The following ZNF595 variants were observed in gnomAD, a reference collection of about 807,000 sequenced individuals.
ZNF595 encodes zinc finger protein 595.
A neutral mutation model predicts 19.4 loss-of-function variants in ZNF595; 9 were observed. That is an observed-to-expected ratio of 0.46 (90% CI 0.28 to 0.81). ZNF595 has a LOEUF of 0.81. Among genes scored for constraint, ZNF595 ranks in the 30% least tolerant of loss-of-function variants. ZNF595 has a pLI of 0.11. For synonymous variants in ZNF595, 255 were observed against 255.9 expected, an observed-to-expected ratio of 1.00 and a Z score of 0.03; for missense variants, 729 against 736.0, an observed-to-expected ratio of 0.99 and a Z score of 0.11.
At chr4:80,769 G>A (rs1277515275) in intron 3 of ZNF595, among the ~76,000 whole-genome samples, 1 of 152,166 alleles carries the variant, frequency 6.6e-6, no homozygotes, top group African/African-American at 2.4e-5. Context: ...CTTCTTTTGT[G>A]GTTCTTCAGT....
At chr4:78,000 TTTTGTTTG>T (rs541070508) in intron 3 of ZNF595, among the ~76,000 whole-genome samples, 2 of 151,920 alleles carry the variant, frequency 1.3e-5, no homozygotes, top group African/African-American at 2.4e-5. Flanking sequence ...CTTCAGGGTT[TTTTGTTTG>T]TTTGTTTGTT....
rs1284053362 is a variant in ZNF595, at chr4:68,749, A to G, written c.226+8596A>G. Among the ~76,000 whole-genome samples the G allele has an allele frequency of 3.7e-3, 564 of 152,310 alleles. 1 individual carries two copies. In the Middle Eastern group the frequency reaches 0.048, roughly 13 times the overall value. The stretch of plus-strand genomic sequence containing the variant: ...TCATTGCCTCAACTATTTGTTCTTT[A>G]TTTTACGAACAATCTAATAACATTC... On this transcript the variant is annotated intron_variant, in intron 3 of 3. Transcript: ENST00000610261.
chr4:85,617 T>C (rs1428809495), intron 3 of ZNF595, 114 bp from the exon 4 acceptor site: 1 of 1,257,488 alleles, frequency 8.0e-7, no homozygotes, highest in South Asian at 1.6e-5. Flanking sequence ...GCCTGTGATA[T>C]TTTGTTATGC....
At chr4:81,150 A>G (rs1713891769) in intron 3 of ZNF595, among the ~76,000 whole-genome samples, 1 of 152,196 alleles carries the variant, frequency 6.6e-6, no homozygotes, top group South Asian at 2.1e-4. Context: ...TGTCCCTGCA[A>G]AGGACGTGAA....
At chr4:69,276 G>A (rs141501369) in intron 3 of ZNF595, among the ~76,000 whole-genome samples, 1 of 152,264 alleles carries the variant, frequency 6.6e-6, no homozygotes, top group East Asian at 1.9e-4. Flanking sequence ...GGGATTGTTG[G>A]ATAATATAGT....
chr4:59,756 C>A (rs1461348957), intron 2 of ZNF595, among the ~76,000 whole-genome samples, 200 bp downstream of exon 2: 7 of 151,776 alleles, frequency 4.6e-5, no homozygotes, highest in African/African-American at 1.5e-4. Context: ...TTTTCTTGAG[C>A]TAATTTGTGT....
At chr4:84,488 G>C (rs1459638351) in intron 3 of ZNF595, among the ~76,000 whole-genome samples, 9 of 152,066 alleles carry the variant, frequency 5.9e-5, no homozygotes, top group Non-Finnish European at 7.4e-5. Context: ...TGGTATTCCT[G>C]CTTACAAGCT....
chr4:69,925 G>A (rs113503652), intron 3 of ZNF595, among the ~76,000 whole-genome samples: 5 of 152,252 alleles, frequency 3.3e-5, no homozygotes, highest in African/African-American at 7.2e-5. Context: ...CCCACAGACC[G>A]TGACCCAAAC....
Position 86,948 on chromosome 4 carries a change from T to C in ZNF595, c.1444T>C (p.Cys482Arg), listed in dbSNP as rs1560095890. 1 of 1,613,542 alleles carries C rather than the reference T, an allele frequency of 6.2e-7. No homozygotes were observed. The change falls in exon 4 of 4, where the codon TGT (cysteine) becomes CGT (arginine). Residue 482 changes from cysteine to arginine, a missense_variant. Physicochemically the swap from Cys to Arg is radical, Grantham distance 180 (BLOSUM62 -3). Around this residue, in one of 2 missense-constraint regions of ZNF595, gnomAD observed 729 missense variants for 675.3 expected, o/e 1.08. Coordinates refer to ENST00000610261, the MANE Select transcript of ZNF595 (RefSeq NM_182524.4). Reference protein sequence around the residue: ...KIHTGEKPYKCEECGKAFIWS... With the variant: ...KIHTGEKPYKREECGKAFIWS... Reference sequence around the variant, plus strand: ...TCATACTGGCGAGAAACCCTACAAATGTGAAGAATGTGGCAAAGCTTTCAT... The same window carrying C: ...TCATACTGGCGAGAAACCCTACAAACGTGAAGAATGTGGCAAAGCTTTCAT...
At chr4:77,336 A>T (rs1404040969) in intron 3 of ZNF595, among the ~76,000 whole-genome samples, 1 of 151,878 alleles carries the variant, frequency 6.6e-6, no homozygotes, top group African/African-American at 2.4e-5. Flanking sequence ...AAAAAAAATT[A>T]GTATTTTTTT....
intron 3 of ZNF595, among the ~76,000 whole-genome samples, chr4:69,918 A>G (rs529426217): frequency 1 from 152,188 of 152,234 alleles, 76,071 homozygotes; most frequent in Middle Eastern, 1. Flanking sequence ...GGGTCTGCCC[A>G]CAGACCGTGA....
intron 3 of ZNF595, among the ~76,000 whole-genome samples, chr4:76,175 T>C (rs1713652358): frequency 6.6e-6 from 1 of 152,210 alleles, no homozygotes; most frequent in African/African-American, 2.4e-5. Flanking sequence ...ATTATCAGCA[T>C]AAGCCATCAG....
At chr4:60,458 GTAT>G in intron 3 of ZNF595, 2 of 474,744 alleles carry the variant, frequency 4.2e-6, no homozygotes, top group Non-Finnish European at 8.2e-6. Context: ...AGGAGTATTT[GTAT>G]TATTGAGGAC....
chr4:69,910 G>T (rs1177594727), intron 3 of ZNF595, among the ~76,000 whole-genome samples: 2 of 152,086 alleles, frequency 1.3e-5, no homozygotes, highest in Admixed American at 6.5e-5. Flanking sequence ...CGATGCGGGG[G>T]TCTGCCCACA....
intron 3 of ZNF595, among the ~76,000 whole-genome samples, chr4:74,122 A>G (rs6599371): frequency 0.097 from 14,734 of 152,100 alleles, 775 homozygotes; most frequent in South Asian, 0.17. Context: ...AGCCTGGGCA[A>G]TATGGTGAAA....
intron 3 of ZNF595, among the ~76,000 whole-genome samples, chr4:82,568 G>A (rs1553800227): frequency 1.3e-5 from 2 of 151,780 alleles, no homozygotes; most frequent in African/African-American, 4.8e-5. Context: ...AATTTTGGTA[G>A]AGATGGGGTT....
intron 3 of ZNF595, among the ~76,000 whole-genome samples, chr4:81,276 T>C (rs1484678429): frequency 6.6e-6 from 1 of 152,208 alleles, no homozygotes; most frequent in Non-Finnish European, 1.5e-5. Flanking sequence ...AAATCAAATA[T>C]AGGTCAGTGA....
At chr4:64,523 G>T (rs1194752840) in intron 3 of ZNF595, among the ~76,000 whole-genome samples, 1 of 152,310 alleles carries the variant, frequency 6.6e-6, no homozygotes, top group Non-Finnish European at 1.5e-5. Context: ...GGATGCCAAG[G>T]TGGGGAGATC....
chr4:85,643 G>A (rs1714103085), intron 3 of ZNF595, 88 bp from the exon 4 acceptor site: 2 of 1,399,260 alleles, frequency 1.4e-6, no homozygotes, highest in Non-Finnish European at 9.6e-7. Context: ...TACTAATGCA[G>A]TTTGTATACA....
Sources: gnomAD v4.1 joint callset for allele counts (sites outside exome capture counted in the v4.1 genomes callset) on GRCh38, gnomAD v4.1.1 for gene constraint, gnomAD v4.1.1 regional missense constraint, MANE v1.5 for transcripts, NCBI Gene and HGNC (gene_info 2026-07-23, HGNC 2026-07-21) for gene names.